The following FAM13A variants were observed in gnomAD, a reference collection of about 807,000 sequenced individuals.
The protein encoded by FAM13A is family with sequence similarity 13 member A, also known as protein FAM13A.
Under a neutral mutation model 129.6 loss-of-function variants are expected in FAM13A, and 76 were observed. That is an observed-to-expected ratio of 0.59 (90% CI 0.49 to 0.71). FAM13A has a LOEUF of 0.71. Ranked by LOEUF, FAM13A falls within the 30% of genes least tolerant of loss-of-function variation. The probability of loss-of-function intolerance (pLI) is 0.00; values close to 1 mark genes in which losing one functional copy is unlikely to be tolerated. For missense variants in FAM13A, 1,108 were observed against 1,249.3 expected (o/e 0.89, Z 1.70); for synonymous variants, 443 against 449.9 (o/e 0.98, Z 0.20).
At chr4:89,029,701 T>C (rs1768439087) in intron 1 of FAM13A, 52 bp from the exon 2 acceptor site, 2 of 1,478,854 alleles carry the variant, frequency 1.4e-6, no homozygotes, top group African/African-American at 1.4e-5. Flanking sequence ...CCACAGGAGG[T>C]TGCATGGTTA....
intron 7 of FAM13A, among the ~76,000 whole-genome samples, chr4:88,850,150 G>T (rs936048712): frequency 2.0e-5 from 3 of 151,978 alleles, no homozygotes; most frequent in Non-Finnish European, 4.4e-5. Flanking sequence ...AGTTATAATA[G>T]AAGATATTAT....
chr4:88,841,948 C>A, intron 7 of FAM13A, among the ~76,000 whole-genome samples: 1 of 152,166 alleles, frequency 6.6e-6, no homozygotes, highest in Non-Finnish European at 1.5e-5. Context: ...AAGGCTTCTA[C>A]AGAAATGTTC....
intron 5 of FAM13A, among the ~76,000 whole-genome samples, chr4:88,915,079 T>A (rs1294496787): frequency 6.6e-6 from 1 of 152,144 alleles, no homozygotes; most frequent in East Asian, 1.9e-4. Context: ...GATTACAAAT[T>A]GAAGTAGCAA....
At chr4:88,934,751 C>A (rs530458084) in intron 5 of FAM13A, among the ~76,000 whole-genome samples, 3 of 152,178 alleles carry the variant, frequency 2.0e-5, no homozygotes, top group Admixed American at 2.0e-4. Context: ...GAAAAGAAAC[C>A]TCCAACTTAA....
chr4:88,917,448 A>AT (rs1750297858), intron 5 of FAM13A, among the ~76,000 whole-genome samples: 1 of 152,122 alleles, frequency 6.6e-6, no homozygotes, highest in African/African-American at 2.4e-5. Context: ...TCCACATGAG[A>AT]TTTTGTGGAG....
rs768475627 is a variant in FAM13A, at chr4:89,056,917, CAGA to C, written c.27+18_27+20del. 10 of 1,610,228 alleles carry C rather than the reference CAGA, an allele frequency of 6.2e-6. No individual in the cohort carries two copies. In the East Asian group the frequency reaches 1.1e-4, roughly 18 times the overall value. ...AAAAACTGGCAGTAAACACAGAAGA[CAGA>C]AGAAGGCCTATACTTACACAGATGG... On this transcript the variant is annotated intron_variant, in intron 1 of 23. Coordinates refer to ENST00000264344, the MANE Select transcript of FAM13A (RefSeq NM_014883.4).
intron 9 of FAM13A, 52 bp downstream of exon 9, chr4:88,790,534 G>T: frequency 2.1e-6 from 3 of 1,416,066 alleles, no homozygotes; most frequent in Non-Finnish European, 2.9e-6. Flanking sequence ...AGTGGGACAG[G>T]GCATTAAAAA....
chr4:88,860,871 G>A (rs1347398639), intron 6 of FAM13A, among the ~76,000 whole-genome samples: 2 of 152,174 alleles, frequency 1.3e-5, no homozygotes, highest in Non-Finnish European at 2.9e-5. Flanking sequence ...CACTCATTGT[G>A]ACAAGGCCAT....
chr4:88,740,536 T>A (rs986403252), intron 19 of FAM13A, among the ~76,000 whole-genome samples: 2 of 152,242 alleles, frequency 1.3e-5, no homozygotes, highest in African/African-American at 2.4e-5. Context: ...GAAGTATCTT[T>A]GCTTCAAGTT....
intron 1 of FAM13A, among the ~76,000 whole-genome samples, chr4:89,054,294 C>T (rs1230795835): frequency 2.8e-5 from 2 of 71,464 alleles, no homozygotes; most frequent in Non-Finnish European, 5.8e-5. Context: ...CAAAGATACA[C>T]ACAGACACAC....
chr4:88,852,372 G>C (rs906601517), intron 6 of FAM13A, among the ~76,000 whole-genome samples: 1 of 151,978 alleles, frequency 6.6e-6, no homozygotes, highest in African/African-American at 2.4e-5. Context: ...ATGTTGGCCT[G>C]GCCAGTCTCA....
rs560134560 is a variant in FAM13A at position 88,906,402 on chromosome 4, G to A, written c.820C>T (p.Pro274Ser). 6.2e-7 allele frequency: 1 copy of A among 1,611,558 alleles called. No homozygotes were observed. Among genetic ancestry groups the A allele is most frequent in the Admixed American group, 1.7e-5 (1 of 59,730 alleles). Residue 274 changes from proline (P) to serine (S), a missense_variant, in exon 6 of 24, where the codon CCA becomes TCA. Pro to Ser is a moderately conservative substitution (Grantham distance 74). Around this residue, in one of 3 missense-constraint regions of FAM13A, gnomAD observed 566 missense variants for 595.7 expected, o/e 0.95. Coordinates refer to ENST00000264344, the MANE Select transcript of FAM13A (RefSeq NM_014883.4). ...ACCTTGGTTTTTGGAGGTGGTTTTG[G>A]CATGTCTCTTTCTAAGCCTCTTGTT... Reference protein sequence around the residue: ...LLTRGLERDMPKPPPKTKIPK... With the variant: ...LLTRGLERDMSKPPPKTKIPK...
intron 4 of FAM13A, among the ~76,000 whole-genome samples, chr4:88,973,701 A>AT (rs370860450): frequency 5.9e-5 from 9 of 151,992 alleles, no homozygotes; most frequent in Admixed American, 5.9e-4. Flanking sequence ...CTGCTTTGTG[A>AT]TTTTTTTCAT....
chr4:88,851,243 TTAAGTTTA>T (rs1737525033), intron 6 of FAM13A, 60 bp from the exon 7 acceptor site: 10 of 1,419,282 alleles, frequency 7.0e-6, no homozygotes, highest in Admixed American at 2.3e-5. Flanking sequence ...GTCTTTCAAA[TTAAGTTTA>T]TGATAAAAGA....
intron 4 of FAM13A, among the ~76,000 whole-genome samples, chr4:88,942,593 T>TA (rs368082655): frequency 0.31 from 43,856 of 143,394 alleles, 7,147 homozygotes; most frequent in Middle Eastern, 0.43. Flanking sequence ...AATAGAAATG[T>TA]AAAAAAAAAA....
At chr4:88,982,905 G>GTAA (rs1002758298) in intron 4 of FAM13A, among the ~76,000 whole-genome samples, 19 of 152,022 alleles carry the variant, frequency 1.2e-4, no homozygotes, top group Non-Finnish European at 2.6e-4. Flanking sequence ...GCCTGCTTAT[G>GTAA]GCTCATGGCT....
At chr4:88,777,716 G>A (rs967572422) in intron 11 of FAM13A, among the ~76,000 whole-genome samples, 2 of 152,136 alleles carry the variant, frequency 1.3e-5, no homozygotes, top group Non-Finnish European at 2.9e-5. Flanking sequence ...TGGCTGTGCC[G>A]TGGGCCAGCA....
intron 5 of FAM13A, among the ~76,000 whole-genome samples, chr4:88,928,780 T>G (rs1752600511): frequency 6.6e-6 from 1 of 152,160 alleles, no homozygotes; most frequent in South Asian, 2.1e-4. Context: ...ATCTTTTAAG[T>G]GGAACATTTA....
intron 4 of FAM13A, among the ~76,000 whole-genome samples, chr4:88,950,117 C>T (rs991237232): frequency 6.6e-6 from 1 of 151,894 alleles, no homozygotes; most frequent in East Asian, 1.9e-4. Flanking sequence ...CTATTTTAGA[C>T]ACACAGTCTC....
Sources: allele counts gnomAD v4.1 joint callset (sites outside exome capture counted in the v4.1 genomes callset), GRCh38; gene constraint gnomAD v4.1.1; regional missense constraint gnomAD v4.1.1; transcripts MANE v1.5; gene names NCBI Gene and HGNC (gene_info 2026-07-23, HGNC 2026-07-21).